FMN1: variants seen among roughly 807,000 people sequenced by gnomAD.
FMN1 encodes formin 1.
Under a neutral mutation model 132.4 loss-of-function variants are expected in FMN1, and 110 were observed. The ratio of observed to expected loss-of-function variants is 0.83; its 90% CI spans 0.71 to 0.97. The LOEUF is 0.97. Among genes scored for constraint, FMN1 ranks in the 50% least tolerant of loss-of-function variants. FMN1 has a pLI of 0.00. For synonymous variants in FMN1, 722 were observed against 651.7 expected (o/e 1.11, Z -1.64); for missense variants, 1,792 against 1,705.3 (o/e 1.05, Z -0.90).
At chr15:32,991,596 A>C (rs537218020) in intron 7 of FMN1, among the ~76,000 whole-genome samples, 2 of 152,148 alleles carry the variant, frequency 1.3e-5, no homozygotes, top group Non-Finnish European at 2.9e-5. Flanking sequence ...GTCAAGATGC[A>C]GGCAGTAGAC....
intron 10 of FMN1, among the ~76,000 whole-genome samples, chr15:32,916,050 C>T (rs1432768178): frequency 2.6e-5 from 4 of 152,166 alleles, no homozygotes; most frequent in African/African-American, 9.7e-5. Flanking sequence ...GAATTATATA[C>T]ACAAGGATCA....
chr15:33,085,004 G>A (rs1566901974), intron 5 of FMN1, among the ~76,000 whole-genome samples: 1 of 152,224 alleles, frequency 6.6e-6, no homozygotes, highest in Non-Finnish European at 1.5e-5. Flanking sequence ...CTGGTCCAAT[G>A]TCTCAGGCTG....
chr15:32,853,083 G>T (rs1352083889), intron 17 of FMN1, among the ~76,000 whole-genome samples: 2 of 152,172 alleles, frequency 1.3e-5, no homozygotes, highest in African/African-American at 4.8e-5. Flanking sequence ...GGCGGTAACA[G>T]TACTCACTTC....
intron 18 of FMN1, among the ~76,000 whole-genome samples, chr15:32,800,399 G>A (rs2057437903): frequency 6.6e-6 from 1 of 152,148 alleles, no homozygotes; most frequent in South Asian, 2.1e-4. Flanking sequence ...AACCGGGAAG[G>A]GAAGAATGTG....
At chr15:33,051,636 C>A (rs555396181) in intron 6 of FMN1, among the ~76,000 whole-genome samples, 48 of 152,220 alleles carry the variant, frequency 3.2e-4, no homozygotes, top group African/African-American at 1.1e-3. Flanking sequence ...CATGAAGAGG[C>A]AAAACAGCAG....
At chr15:32,964,737 A>G (rs74959184) in intron 8 of FMN1, among the ~76,000 whole-genome samples, 8,653 of 152,334 alleles carry the variant, frequency 0.057, 312 homozygotes, top group Non-Finnish European at 0.084. Context: ...CTACTTTTAA[A>G]TACAGTTTTT....
intron 17 of FMN1, among the ~76,000 whole-genome samples, chr15:32,855,157 T>TTAAAAAAAA: frequency 1.2e-5 from 1 of 85,542 alleles, no homozygotes; most frequent in African/African-American, 4.0e-5. Context: ...ACGTGGAGAG[T>TTAAAAAAAA]AAAAAAAAAA....
At chr15:33,042,064 AG>A in intron 6 of FMN1, among the ~76,000 whole-genome samples, 1 of 152,306 alleles carries the variant, frequency 6.6e-6, no homozygotes, top group Middle Eastern at 3.4e-3. Context: ...TCCATTGAAA[AG>A]CTAGAACTAA....
chr15:33,130,438 G>A (rs1963490806), intron 4 of FMN1, among the ~76,000 whole-genome samples: 1 of 152,174 alleles, frequency 6.6e-6, no homozygotes, highest in South Asian at 2.1e-4. Flanking sequence ...GTTGTGGGCT[G>A]CACTGTAGTT....
intron 2 of FMN1, among the ~76,000 whole-genome samples, chr15:33,191,932 T>C (rs908191338): frequency 5.3e-5 from 8 of 152,214 alleles, no homozygotes; most frequent in African/African-American, 1.9e-4. Context: ...TGTTGAGAAT[T>C]AAGCTGATAT....
At chr15:32,821,485 T>G (rs1235874202) in intron 17 of FMN1, among the ~76,000 whole-genome samples, 1 of 138,796 alleles carries the variant, frequency 7.2e-6, no homozygotes, top group Non-Finnish European at 1.5e-5. Context: ...GGAGTCTTGC[T>G]CTGTCACCCC....
At chr15:32,899,715 T>C (rs1390889174) in intron 14 of FMN1, 1 of 507,522 alleles carries the variant, frequency 2.0e-6, no homozygotes, top group South Asian at 2.4e-5. Flanking sequence ...GAGTAGCAGT[T>C]CAATACCTGA....
chr15:33,079,248 A>T (rs1440295575), intron 5 of FMN1, among the ~76,000 whole-genome samples: 1 of 152,254 alleles, frequency 6.6e-6, no homozygotes, highest in Admixed American at 6.5e-5. Flanking sequence ...TCAAGATCAA[A>T]GAAAAGCAAA....
Position 32,944,007 on chromosome 15 carries a change from G to A in FMN1, c.3139-17746C>T, listed in dbSNP as rs2061452348. Among the ~76,000 whole-genome samples, 5 of 152,048 alleles carry A rather than the reference G, an allele frequency of 3.3e-5. No homozygotes were observed. In the South Asian group the frequency reaches 1.0e-3, roughly 32 times the overall value. On this transcript the variant is annotated intron_variant, in intron 9 of 20. Coordinates refer to ENST00000616417, the MANE Select transcript of FMN1 (RefSeq NM_001277313.2). ...ACTGGCAGAATCCTTTTATAGCTGT[G>A]GCTATTCTAGTCCCCTCCCTACGAT... is the stretch of plus-strand genomic sequence containing the variant.
At chr15:32,907,318 G>C (rs1475711044) in intron 12 of FMN1, among the ~76,000 whole-genome samples, 5 of 152,120 alleles carry the variant, frequency 3.3e-5, no homozygotes, top group Non-Finnish European at 1.5e-5. Flanking sequence ...GGGGTGATGG[G>C]AGACAGTGAC....
At chr15:33,120,371 G>C (rs1360835552) in intron 4 of FMN1, among the ~76,000 whole-genome samples, 1 of 152,100 alleles carries the variant, frequency 6.6e-6, no homozygotes, top group Admixed American at 6.5e-5. Flanking sequence ...CAGGTCAATG[G>C]ATTAGGTTAC....
At chr15:33,128,563 T>G (rs1963349739) in intron 4 of FMN1, among the ~76,000 whole-genome samples, 1 of 152,248 alleles carries the variant, frequency 6.6e-6, no homozygotes, top group Non-Finnish European at 1.5e-5. Context: ...GTCCGGAGTT[T>G]CTTGCTTCCG....
chr15:32,926,285 A>AG, intron 9 of FMN1, 24 bp from the exon 10 acceptor site: 1 of 1,309,182 alleles, frequency 7.6e-7, no homozygotes, highest in Non-Finnish European at 1.1e-6. Context: ...AAAAAAAAAA[A>AG]GAATACAAGC....
chr15:32,907,229 T>G (rs959350174), intron 12 of FMN1, among the ~76,000 whole-genome samples: 1 of 152,104 alleles, frequency 6.6e-6, no homozygotes, highest in Non-Finnish European at 1.5e-5. Context: ...ATGATATAAT[T>G]ATACAACTCA....
Sources: allele counts gnomAD v4.1 joint callset (sites outside exome capture counted in the v4.1 genomes callset), GRCh38; gene constraint gnomAD v4.1.1; transcripts MANE v1.5; gene names NCBI Gene and HGNC (gene_info 2026-07-23, HGNC 2026-07-21).